RAPGEF1: variants seen among roughly 807,000 people sequenced by gnomAD.
RAPGEF1 encodes the protein Rap guanine nucleotide exchange factor 1.
RAPGEF1 carries 33 observed loss-of-function variants against 143.3 expected under a neutral mutation model. The observed-to-expected ratio is 0.23, with a 90% confidence interval of 0.17 to 0.31. The LOEUF (loss-of-function observed/expected upper bound fraction) is 0.31. Among genes scored for constraint, RAPGEF1 ranks in the 10% least tolerant of loss-of-function variants. The pLI, the probability that RAPGEF1 is intolerant of heterozygous loss-of-function variation, is 1.00. For synonymous variants in RAPGEF1, 629 were observed against 676.5 expected (o/e 0.93, Z 1.09); for missense variants, 1,199 against 1,645.4 (o/e 0.73, Z 4.69).
Position 131,630,253 on chromosome 9 carries a change from A to T in RAPGEF1, c.723T>A (p.Pro241=), listed in dbSNP as rs2133076199. 1 of 1,613,410 alleles carries T rather than the reference A, an allele frequency of 6.2e-7. No individual in the cohort carries two copies. Among genetic ancestry groups the T allele is most frequent in the Non-Finnish European group, 8.5e-7 (1 of 1,179,654 alleles). The change falls in exon 6 of 27, where the codon CCT becomes CCA. Residue 241 remains proline (P), a synonymous_variant. Transcript: ENST00000683357. ...SPTSPVKPSS[P]ASKPDGPAEL... ...GCACCTACCCATCAGGCTTGCTGGCAGGGGAACTGGGCTTCACGGGGCTCG... is the reference window on the plus strand; with the variant it reads ...GCACCTACCCATCAGGCTTGCTGGCTGGGGAACTGGGCTTCACGGGGCTCG...
At chr9:131,700,926 C>G (rs955699070) in intron 1 of RAPGEF1, among the ~76,000 whole-genome samples, 2 of 152,028 alleles carry the variant, frequency 1.3e-5, no homozygotes, top group African/African-American at 4.8e-5. Flanking sequence ...ACATAATAGT[C>G]TTACTTTTGC....
intron 1 of RAPGEF1, among the ~76,000 whole-genome samples, chr9:131,718,309 C>T (rs1390375810): frequency 2.0e-5 from 3 of 152,154 alleles, no homozygotes; most frequent in Admixed American, 6.5e-5. Flanking sequence ...GAGTCCAGGG[C>T]GCACACAGGC....
At chr9:131,646,174 G>A (rs1043129035) in intron 3 of RAPGEF1, among the ~76,000 whole-genome samples, 2 of 152,186 alleles carry the variant, frequency 1.3e-5, no homozygotes, top group South Asian at 2.1e-4. Context: ...CAACCACCCT[G>A]TGAAGTGGAT....
At chr9:131,720,653 A>T (rs1836198429) in intron 1 of RAPGEF1, among the ~76,000 whole-genome samples, 1 of 152,204 alleles carries the variant, frequency 6.6e-6, no homozygotes, top group African/African-American at 2.4e-5. Flanking sequence ...ACAGGCTGCA[A>T]GTTATCAATT....
intron 17 of RAPGEF1, among the ~76,000 whole-genome samples, chr9:131,596,061 G>GTCCTTGTACCA (rs1259543538): frequency 3.9e-4 from 59 of 152,354 alleles, no homozygotes; most frequent in Admixed American, 2.0e-3. Context: ...GGACCCTGGA[G>GTCCTTGTACCA]GCCCTGGGGT....
At chr9:131,722,508 G>A (rs1328115444) in intron 1 of RAPGEF1, among the ~76,000 whole-genome samples, 1 of 152,214 alleles carries the variant, frequency 6.6e-6, no homozygotes, top group Non-Finnish European at 1.5e-5. Flanking sequence ...GCCGACATGA[G>A]CCAAGCACTA....
chr9:131,737,292 T>C (rs765932320), intron 1 of RAPGEF1: 18 of 1,554,750 alleles, frequency 1.2e-5, no homozygotes, highest in Non-Finnish European at 1.6e-5. Context: ...CTCTCTCCTC[T>C]TTCTCCCTGT....
At chr9:131,654,404 T>C (rs1250888357) in intron 1 of RAPGEF1, among the ~76,000 whole-genome samples, 1 of 152,226 alleles carries the variant, frequency 6.6e-6, no homozygotes, top group Non-Finnish European at 1.5e-5. Context: ...TATTTAAACC[T>C]GTCTCCTCAC....
At chr9:131,617,315 C>T (rs1959157252) in intron 12 of RAPGEF1, among the ~76,000 whole-genome samples, 1 of 152,254 alleles carries the variant, frequency 6.6e-6, no homozygotes, top group East Asian at 1.9e-4. Context: ...TGTGTGGCCA[C>T]AGCAGGGTGA....
intron 1 of RAPGEF1, among the ~76,000 whole-genome samples, chr9:131,719,213 A>G (rs1214837171): frequency 6.6e-6 from 1 of 152,212 alleles, no homozygotes; most frequent in African/African-American, 2.4e-5. Context: ...CAAATTAATC[A>G]GCTAATATCC....
At position 131,581,586 on chromosome 9, in the gene RAPGEF1, C is replaced by T. The variant is rs370521740; in HGVS notation, c.3512+1019G>A. ...TGGTTGCGCATGCCTGTAGTCCCATCGACTACTCAGGAGGCTGAGGTGGGA... is the reference window on the plus strand; with the variant it reads ...TGGTTGCGCATGCCTGTAGTCCCATTGACTACTCAGGAGGCTGAGGTGGGA... On this transcript the variant is annotated intron_variant, in intron 25 of 26. Coordinates refer to ENST00000683357, the MANE Select transcript of RAPGEF1 (RefSeq NM_001377935.1). 9.9e-5 allele frequency among the ~76,000 whole-genome samples: 15 copies of T among 151,976 alleles called. No homozygotes were observed. The East Asian group carries it at 2.1e-3, about 22-fold the overall frequency.
intron 12 of RAPGEF1, among the ~76,000 whole-genome samples, chr9:131,614,438 C>T (rs1481792809): frequency 6.6e-6 from 1 of 152,258 alleles, no homozygotes; most frequent in Admixed American, 6.5e-5. Flanking sequence ...TCTATCTCTC[C>T]CCTTTCCTGT....
At chr9:131,596,467 G>T in intron 16 of RAPGEF1, 94 bp from the exon 17 acceptor site, 2 of 1,259,534 alleles carry the variant, frequency 1.6e-6, no homozygotes, top group Non-Finnish European at 2.3e-6. Flanking sequence ...ATGACAAAAT[G>T]CCCTGCAACC....
chr9:131,655,173 C>T lies in RAPGEF1; in HGVS notation c.62-4224G>A, dbSNP rs1348696977. 6.6e-6 allele frequency among the ~76,000 whole-genome samples: 1 copy of T among 152,206 alleles called. No homozygotes were observed. Among genetic ancestry groups the T allele is most frequent in the Admixed American group, 6.5e-5 (1 of 15,278 alleles). ...TGGCCAGGCAGGATCAGATAAACTA[C>T]CTGCCCTTTGCAAATTACCTAGGCA... On this transcript the variant is annotated intron_variant, in intron 1 of 26. Transcript: ENST00000683357. This position sits in a 1 kb window ranked among gnomAD's most constrained non-coding sequence, Gnocchi z 4.1.
At chr9:131,580,587 G>C (rs1951715140) in intron 25 of RAPGEF1, among the ~76,000 whole-genome samples, 196 bp from the exon 26 acceptor site, 1 of 152,196 alleles carries the variant, frequency 6.6e-6, no homozygotes, top group Admixed American at 6.5e-5. Flanking sequence ...ACAAGCACCT[G>C]CTGGGGACCT....
At chr9:131,687,319 T>G (rs1159677779) in intron 1 of RAPGEF1, among the ~76,000 whole-genome samples, 1 of 152,102 alleles carries the variant, frequency 6.6e-6, no homozygotes, top group Non-Finnish European at 1.5e-5. Context: ...GCCTCCCAAG[T>G]AGCTGGGACT....
intron 7 of RAPGEF1, 70 bp downstream of exon 7, chr9:131,629,032 G>A (rs1453352204): frequency 1.9e-6 from 3 of 1,551,318 alleles, no homozygotes; most frequent in East Asian, 2.3e-5. Flanking sequence ...GAAAGGGCCC[G>A]AGCCCTGTCT....
At chr9:131,723,473 C>T (rs916649081) in intron 1 of RAPGEF1, among the ~76,000 whole-genome samples, 2 of 152,188 alleles carry the variant, frequency 1.3e-5, no homozygotes, top group Non-Finnish European at 2.9e-5. Flanking sequence ...CAGCGCCTTT[C>T]GGTTGCTATA....
intron 1 of RAPGEF1, among the ~76,000 whole-genome samples, chr9:131,703,845 G>A (rs1237771210): frequency 2.0e-5 from 3 of 152,144 alleles, no homozygotes; most frequent in Admixed American, 6.6e-5. Flanking sequence ...TCAGGCATGC[G>A]ATACCTTAAG....
Sources: allele counts gnomAD v4.1 joint callset (sites outside exome capture counted in the v4.1 genomes callset), GRCh38; gene constraint gnomAD v4.1.1; non-coding constraint Gnocchi (gnomAD v3.1); transcripts MANE v1.5; gene names NCBI Gene and HGNC (gene_info 2026-07-23, HGNC 2026-07-21).